Variants in TNS3 observed in about 807,000 individuals in gnomAD.
TNS3 encodes the protein tensin-3.
TNS3 carries 45 observed loss-of-function variants against 140.9 expected under a neutral mutation model. The observed-to-expected ratio is 0.32, with a 90% confidence interval of 0.25 to 0.41. The LOEUF (loss-of-function observed/expected upper bound fraction) is 0.41. Ranked by LOEUF, TNS3 falls within the 10% of genes least tolerant of loss-of-function variation. TNS3 has a pLI of 1.00. For missense variants in TNS3, 1,716 were observed against 1,906.7 expected (o/e 0.90, Z 1.86); for synonymous variants, 815 against 788.4 (o/e 1.03, Z -0.56).
chr7:47,324,546 GT>G (rs1787923619), intron 20 of TNS3, among the ~76,000 whole-genome samples: 1 of 152,224 alleles, frequency 6.6e-6, no homozygotes. Flanking sequence ...GAGGTCAGGA[GT>G]TTGAGACCAG....
At chr7:47,495,141 A>C (rs943980598) in intron 3 of TNS3, among the ~76,000 whole-genome samples, 1 of 144,228 alleles carries the variant, frequency 6.9e-6, no homozygotes, top group Non-Finnish European at 1.5e-5. Context: ...CAGTGAGCCG[A>C]GATTGCGCCA....
chr7:47,579,833 A>T, intron 1 of TNS3: 3 of 985,166 alleles, frequency 3.0e-6, no homozygotes, highest in Non-Finnish European at 3.6e-6. Context: ...CAGCCCTTCC[A>T]CTCACTGTTC....
intron 16 of TNS3, among the ~76,000 whole-genome samples, chr7:47,384,022 G>C (rs529399972): frequency 5.8e-4 from 88 of 152,318 alleles, no homozygotes; most frequent in African/African-American, 2.0e-3. Flanking sequence ...AGAAAGTTCT[G>C]ATTTGAAAAC....
At chr7:47,340,429 T>C (rs1024440024) in intron 20 of TNS3, among the ~76,000 whole-genome samples, 4 of 152,034 alleles carry the variant, frequency 2.6e-5, no homozygotes, top group South Asian at 2.1e-4. Context: ...CTGTGACTTA[T>C]ATTTTTAATT....
chr7:47,325,325 G>A (rs1211091405), intron 20 of TNS3, among the ~76,000 whole-genome samples: 1 of 152,036 alleles, frequency 6.6e-6, no homozygotes, highest in East Asian at 1.9e-4. Context: ...TCCACTCCAC[G>A]TTTGTAAAAC....
chr7:47,375,594 A>C (rs1185357868), intron 16 of TNS3, among the ~76,000 whole-genome samples: 1 of 152,178 alleles, frequency 6.6e-6, no homozygotes, highest in Admixed American at 6.5e-5. Flanking sequence ...TCCCACAAGG[A>C]GGTAAGAGGG....
chr7:47,439,974 C>T (rs1799375), intron 5 of TNS3, among the ~76,000 whole-genome samples: 39,936 of 151,896 alleles, frequency 0.26, 6,289 homozygotes, highest in Non-Finnish European at 0.34. Context: ...AGCACGAAGG[C>T]GGGAAGGACT....
In TNS3 at chr7:47,566,756, A is replaced by G. The variant is rs978144532; in HGVS notation, c.-265+15295T>C. On this transcript the variant is annotated intron_variant, in intron 1 of 30. Transcript: ENST00000311160. ...GCAGGACAAAAAGACATTCCATCTC[A>G]TGGCCGGGCACGGTAACTCATGCCT... 4.6e-5 allele frequency among the ~76,000 whole-genome samples: 7 copies of G among 151,846 alleles called. No individual in the cohort carries two copies. The East Asian group carries it at 1.4e-3, about 29-fold the overall frequency.
At position 47,350,861 on chromosome 7, in the gene TNS3, G is replaced by C. The variant is rs139397552; in HGVS notation, c.2282-4505C>G. On this transcript the variant is annotated intron_variant, in intron 17 of 30. Transcript: ENST00000311160. ...GTTGTCATTAAAAGTCAAGTTTATG[G>C]AACTTGAAGTGGACAAACACGCTCC... Among the ~76,000 whole-genome samples the C allele has an allele frequency of 1.6e-3, 243 of 152,316 alleles. 3 individuals carry two copies. Among genetic ancestry groups the C allele is most frequent in the African/African-American group, 5.5e-3 (228 of 41,566 alleles).
At chr7:47,469,357 T>C (rs1310309028) in intron 4 of TNS3, among the ~76,000 whole-genome samples, 1 of 152,104 alleles carries the variant, frequency 6.6e-6, no homozygotes, top group Non-Finnish European at 1.5e-5. Context: ...AGGCTGAATA[T>C]CTCACACCAG....
intron 27 of TNS3, among the ~76,000 whole-genome samples, chr7:47,287,410 C>T (rs2150579717): frequency 6.6e-6 from 1 of 152,256 alleles, no homozygotes; most frequent in South Asian, 2.1e-4. Flanking sequence ...CTTCCTGAAT[C>T]TTTATAACGG....
intron 16 of TNS3, among the ~76,000 whole-genome samples, chr7:47,393,579 G>A (rs1792655407): frequency 1.3e-5 from 2 of 152,110 alleles, no homozygotes; most frequent in Admixed American, 1.3e-4. Flanking sequence ...ACCTCCCTGG[G>A]GGTGCTCATG....
chr7:47,365,051 T>C (rs892591791), intron 17 of TNS3, among the ~76,000 whole-genome samples: 10 of 152,246 alleles, frequency 6.6e-5, no homozygotes, highest in African/African-American at 2.4e-4. Context: ...CACTGAATTT[T>C]ACTGGTCTGT....
rs747019158 is a variant in TNS3 at position 47,368,455 on chromosome 7, C to T, written c.2191G>A (p.Val731Met). 2.5e-6 allele frequency: 4 copies of T among 1,580,078 alleles called. No individual in the cohort carries two copies. Among genetic ancestry groups the T allele is most frequent in the Non-Finnish European group, 3.5e-6 (4 of 1,157,216 alleles). ...NALGSQANGS[V>M]SPDSVGGGLR... is the part of the protein sequence containing the mutation. ...CCACCTCCCACGCTGTCTGGAGACACAGAGCCATTGGCCTGGCTACCGAGG... is the reference window on the plus strand; with the variant it reads ...CCACCTCCCACGCTGTCTGGAGACATAGAGCCATTGGCCTGGCTACCGAGG... The change falls in exon 17 of 31, where the codon GTG becomes ATG. Residue 731 changes from valine (V) to methionine (M), a missense_variant. Coordinates refer to ENST00000311160, the MANE Select transcript of TNS3 (RefSeq NM_022748.12).
intron 17 of TNS3, among the ~76,000 whole-genome samples, chr7:47,353,403 ACACT>A (rs983578537): frequency 3.3e-5 from 5 of 152,164 alleles, no homozygotes; most frequent in African/African-American, 1.2e-4. Flanking sequence ...ACTTGGTAAA[ACACT>A]CTCTCTCTAC....
intron 1 of TNS3, among the ~76,000 whole-genome samples, chr7:47,545,222 G>T (rs745829876): frequency 7.0e-6 from 1 of 142,392 alleles, no homozygotes; most frequent in Non-Finnish European, 1.5e-5. Context: ...TCACTGCAAC[G>T]TCCACCTCCC....
rs1562675464 is a variant in TNS3 at position 47,389,098 on chromosome 7, G to GAAGCA, written c.1024+7701_1024+7702insTGCTT. 2.8e-4 allele frequency among the ~76,000 whole-genome samples: 10 copies of GAAGCA among 35,988 alleles called. 2 individuals are homozygous for GAAGCA. The highest frequency in any genetic ancestry group is 2.0e-3 in the African/African-American group (9 of 4,486). 23.6% of individuals were successfully genotyped at this position (35,988 alleles called of 152,430 possible). A position where few individuals can be genotyped will look rare whatever the true frequency, so the allele number is the denominator to read the frequency against. The stretch of plus-strand genomic sequence containing the variant: ...AAGAAGAAGAAGAGGAAGAGGAAGA[G>GAAGCA]GAAGCGGAAGCAGAAGAAGAAGAAG... On this transcript the variant is annotated intron_variant, in intron 16 of 30. Transcript: ENST00000311160.
At chr7:47,335,205 T>C (rs981227328) in intron 20 of TNS3, among the ~76,000 whole-genome samples, 1 of 152,166 alleles carries the variant, frequency 6.6e-6, no homozygotes, top group African/African-American at 2.4e-5. Flanking sequence ...AATGTGGCCA[T>C]GTGGCAATAC....
At chr7:47,364,785 T>C (rs1790596043) in intron 17 of TNS3, among the ~76,000 whole-genome samples, 1 of 152,222 alleles carries the variant, frequency 6.6e-6, no homozygotes, top group Admixed American at 6.5e-5. Flanking sequence ...TTTCCAATGC[T>C]GCGGCTAACC....
Sources: allele counts gnomAD v4.1 joint callset (sites outside exome capture counted in the v4.1 genomes callset), GRCh38; gene constraint gnomAD v4.1.1; transcripts MANE v1.5; gene names NCBI Gene and HGNC (gene_info 2026-07-23, HGNC 2026-07-21).